The following UMODL1 variants were observed in gnomAD, a reference collection of about 807,000 sequenced individuals.
UMODL1 encodes the protein uromodulin-like 1.
Under a neutral mutation model 136.3 loss-of-function variants are expected in UMODL1, and 128 were observed. The ratio of observed to expected loss-of-function variants is 0.94; its 90% CI spans 0.81 to 1.09. The LOEUF (loss-of-function observed/expected upper bound fraction) is 1.09, where lower values mean the gene tolerates loss of function less well. UMODL1 is among the 50% of genes least tolerant of loss of function. The probability of loss-of-function intolerance (pLI) is 0.00; values close to 1 mark genes in which losing one functional copy is unlikely to be tolerated. For synonymous variants in UMODL1, 721 were observed against 720.0 expected (o/e 1.00, Z -0.02); for missense variants, 1,766 against 1,725.6 (o/e 1.02, Z -0.41).
At chr21:42,111,358 C>A (rs544716275) in intron 11 of UMODL1, 148 bp from the exon 12 acceptor site, 1 of 1,610,752 alleles carries the variant, frequency 6.2e-7, no homozygotes, top group Non-Finnish European at 8.5e-7. Flanking sequence ...GCCAGGAGAG[C>A]CCCAGCCAGG....
rs1054201192 is a variant in UMODL1 at position 42,127,671 on chromosome 21, G to T, written c.3531-1G>T. 4 of 1,612,488 alleles carry T rather than the reference G, an allele frequency of 2.5e-6. No homozygotes were observed. The African/African-American group carries it at 5.3e-5, about 22-fold the overall frequency. On this transcript the variant is annotated splice_acceptor_variant, in intron 19 of 22. Coordinates refer to ENST00000408910, the MANE Select transcript of UMODL1 (RefSeq NM_001004416.3). LOFTEE classifies it high-confidence loss of function. ...AGGAGTCCCATTTCCTCTCTTCTCAGCTGCCCTGTGCCCAACACATACACC... is the reference window on the plus strand; with the variant it reads ...AGGAGTCCCATTTCCTCTCTTCTCATCTGCCCTGTGCCCAACACATACACC...
In UMODL1 at chr21:42,126,440, C is replaced by A. The variant is rs533438623; in HGVS notation, c.3243C>A (p.Cys1081Ter). The change falls in exon 18 of 23, where the codon TGC becomes TGA. Residue 1081 changes from cysteine to a stop codon, truncating the protein, a stop_gained. Coordinates refer to ENST00000408910, the MANE Select transcript of UMODL1 (RefSeq NM_001004416.3). LOFTEE classifies it high-confidence loss of function. Reference protein sequence around the residue: ...HHLKILSPIYCAFQNDLLTSS... With the variant: ...HHLKILSPIY ...TGAAGATCCTGAGCCCCATCTACTGCGCCTTCCAGAATGACCTGCTGACAT... is the reference window on the plus strand; with the variant it reads ...TGAAGATCCTGAGCCCCATCTACTGAGCCTTCCAGAATGACCTGCTGACAT... 2 of 1,614,242 alleles carry A rather than the reference C, an allele frequency of 1.2e-6. No individual in the cohort carries two copies. The highest frequency in any genetic ancestry group is 1.1e-5 in the South Asian group (1 of 91,086).
At chr21:42,065,542 CTTT>C (rs56298825) in intron 1 of UMODL1, among the ~76,000 whole-genome samples, 2 of 143,412 alleles carry the variant, frequency 1.4e-5, no homozygotes, top group Admixed American at 7.0e-5. Flanking sequence ...CTTTTTTTTT[CTTT>C]TTTTTTTTTT....
chr21:42,101,595 TGAAAGATGAATATTCCC>T, intron 7 of UMODL1: 1 of 399,390 alleles, frequency 2.5e-6, no homozygotes, highest in South Asian at 1.8e-5. Flanking sequence ...CTTTCAGTAA[TGAAAGATGAATATTCCC>T]GTGTCCCATC....
intron 5 of UMODL1, among the ~76,000 whole-genome samples, chr21:42,089,984 G>C (rs550551121): frequency 3.9e-4 from 59 of 152,146 alleles, no homozygotes; most frequent in Non-Finnish European, 7.9e-4. Flanking sequence ...GGGATGTTTT[G>C]GCCCCACCTT....
chr21:42,075,029 G>T (rs968988951), intron 1 of UMODL1, among the ~76,000 whole-genome samples: 2 of 151,786 alleles, frequency 1.3e-5, no homozygotes, highest in Non-Finnish European at 2.9e-5. Flanking sequence ...CTCCCAAGTA[G>T]CTGGGACTAC....
chr21:42,134,618 A>T (rs564273321), intron 21 of UMODL1, among the ~76,000 whole-genome samples: 109 of 151,936 alleles, frequency 7.2e-4, no homozygotes, highest in African/African-American at 2.4e-3. Context: ...TTAGTTAATT[A>T]ATTTATTTAT....
intron 6 of UMODL1, among the ~76,000 whole-genome samples, chr21:42,093,221 G>GTT (rs34842765): frequency 6.6e-6 from 1 of 151,722 alleles, no homozygotes; most frequent in Non-Finnish European, 1.5e-5. Flanking sequence ...TTTATTGTTT[G>GTT]TTTTTTATAG....
chr21:42,116,172 CAAAAAA>C lies in UMODL1; in HGVS notation c.2475+205_2475+210del, dbSNP rs56162491. 1.1e-3 allele frequency among the ~76,000 whole-genome samples: 83 copies of C among 75,058 alleles called. 2 individuals carry two copies. Among genetic ancestry groups the C allele is most frequent in the African/African-American group, 4.4e-3 (76 of 17,134 alleles). 49.2% of individuals were successfully genotyped at this position (75,058 alleles called of 152,430 possible). A position where few individuals can be genotyped will look rare whatever the true frequency, so the allele number is the denominator to read the frequency against. On this transcript the variant is annotated intron_variant, in intron 14 of 22. Transcript: ENST00000408910. ...CAACATGGCAAAACCCCATCTCCAC[CAAAAAA>C]AAAAAAAAAAAAAAAAATACAAAAA...
rs532433869 is a variant in UMODL1 at position 42,063,054 on chromosome 21, A to G, written c.-301A>G. On this transcript the variant is annotated 5_prime_UTR_variant, in exon 1 of 23. Coordinates refer to the UMODL1 transcript ENST00000400424. ...TCCTGGCATCCCGGGCTCATTGTAG[A>G]TGGATCACTCCAATCTCCATGGCTT... 4 of 152,340 alleles carry G rather than the reference A, an allele frequency of 2.6e-5. No homozygotes were observed. The South Asian group carries it at 8.3e-4, about 32-fold the overall frequency. The allele number at this position is 152,340 out of a possible 1,614,324, so 9.4% of individuals were successfully genotyped here. A position where few individuals can be genotyped will look rare whatever the true frequency, so the allele number is the denominator to read the frequency against.
At chr21:42,081,879 C>A (rs2066366081) in intron 2 of UMODL1, among the ~76,000 whole-genome samples, 1 of 152,216 alleles carries the variant, frequency 6.6e-6, no homozygotes, top group Non-Finnish European at 1.5e-5. Context: ...GTCTGCTTAA[C>A]CCTGAGGCCT....
chr21:42,070,050 G>A (rs535129613), upstream of UMODL1, among the ~76,000 whole-genome samples: 16 of 152,094 alleles, frequency 1.1e-4, no homozygotes, highest in Non-Finnish European at 2.1e-4. Flanking sequence ...TTCTTGTCAT[G>A]GCATCTGACA....
chr21:42,122,458 C>T lies in UMODL1; in HGVS notation c.2828-373C>T, dbSNP rs560804085. ...ATCCACTGGCTTGGCACATCCCCGGCATCAGGTCCCTCGGTCCTTGGCCCT... is the reference window on the plus strand; with the variant it reads ...ATCCACTGGCTTGGCACATCCCCGGTATCAGGTCCCTCGGTCCTTGGCCCT... On this transcript the variant is annotated intron_variant, in intron 16 of 22. Transcript: ENST00000408910. This position sits in a 1 kb window ranked among gnomAD's most constrained non-coding sequence, Gnocchi z 4.3. Among the ~76,000 whole-genome samples, 2 of 152,332 alleles carry T rather than the reference C, an allele frequency of 1.3e-5. No homozygotes were observed. Among genetic ancestry groups the T allele is most frequent in the African/African-American group, 4.8e-5 (2 of 41,572 alleles).
intron 22 of UMODL1, among the ~76,000 whole-genome samples, chr21:42,137,904 T>C (rs916642203): frequency 6.6e-6 from 1 of 152,074 alleles, no homozygotes; most frequent in African/African-American, 2.4e-5. Context: ...GATATGTGTG[T>C]GTCTGTGTTT....
At chr21:42,110,147 G>A (rs1486801481) in intron 10 of UMODL1, among the ~76,000 whole-genome samples, 1 of 152,248 alleles carries the variant, frequency 6.6e-6, no homozygotes, top group Non-Finnish European at 1.5e-5. Context: ...GGGGGCCGCT[G>A]AGCTCTAGTC....
rs758837409 is a variant in UMODL1, at chr21:42,088,488, TTCCCTCAATCC to T, written c.790+15_790+25del. On this transcript the variant is annotated intron_variant, in intron 5 of 22. Transcript: ENST00000408910. ...TCAGCGTCCAGGTGCAAGGTTGGGC[TTCCCTCAATCC>T]TCCCTCTGGGGAGGCTGCAGGGTGG... 1 of 1,589,896 alleles carries T rather than the reference TTCCCTCAATCC, an allele frequency of 6.3e-7. No individual in the cohort carries two copies.
chr21:42,066,016 G>A (rs529049573), intron 1 of UMODL1, among the ~76,000 whole-genome samples: 145 of 152,212 alleles, frequency 9.5e-4, no homozygotes, highest in Middle Eastern at 3.2e-3. Context: ...TTGTCCTAAC[G>A]TTATTGTTAG....
intron 1 of UMODL1, among the ~76,000 whole-genome samples, chr21:42,065,689 C>T (rs1440128462): frequency 6.6e-6 from 1 of 152,098 alleles, no homozygotes; most frequent in Non-Finnish European, 1.5e-5. Context: ...AGGCATGCAC[C>T]CCCATGCCCA....
In UMODL1 at chr21:42,113,688, G is replaced by A. The variant is rs1345435197; in HGVS notation, c.2220G>A (p.Met740Ile). Residue 740 changes from methionine to isoleucine, a missense_variant, in exon 13 of 23, where the codon ATG becomes ATA. Coordinates refer to ENST00000408910, the MANE Select transcript of UMODL1 (RefSeq NM_001004416.3). Reference protein sequence around the residue: ...DSTFQLTLTSMWSPAVVLETW... With the variant: ...DSTFQLTLTSIWSPAVVLETW... The stretch of plus-strand genomic sequence containing the variant: ...CCTTCCAGCTCACTCTGACTTCCAT[G>A]TGGAGCCCTGCTGTGGTCCTAGAGA... The A allele has an allele frequency of 1.2e-6, 2 of 1,614,102 alleles. No individual in the cohort carries two copies. The highest frequency in any genetic ancestry group is 2.2e-5 in the East Asian group (1 of 44,884).
Sources: gnomAD v4.1 joint callset for allele counts (sites outside exome capture counted in the v4.1 genomes callset) on GRCh38, gnomAD v4.1.1 for gene constraint, Gnocchi (gnomAD v3.1) non-coding constraint, MANE v1.5 for transcripts, NCBI Gene and HGNC (gene_info 2026-07-23, HGNC 2026-07-21) for gene names.